The following GALNT18 variants were observed in gnomAD, a reference collection of about 807,000 sequenced individuals.
The protein encoded by GALNT18 is GalNAc-transferase 18.
GALNT18 carries 44 observed loss-of-function variants against 69.5 expected under a neutral mutation model. The ratio of observed to expected loss-of-function variants is 0.63; its 90% CI spans 0.50 to 0.81. The LOEUF is 0.81. Ranked by LOEUF, GALNT18 falls within the 40% of genes least tolerant of loss-of-function variation. GALNT18 has a pLI of 0.00. For missense variants in GALNT18, 715 were observed against 810.0 expected, an observed-to-expected ratio of 0.88 and a Z score of 1.42; for synonymous variants, 364 against 318.2, an observed-to-expected ratio of 1.14 and a Z score of -1.53.
chr11:11,374,911 T>C (rs1194033189), intron 5 of GALNT18, among the ~76,000 whole-genome samples: 1 of 152,234 alleles, frequency 6.6e-6, no homozygotes, highest in Non-Finnish European at 1.5e-5. Context: ...AAAGTGGAAA[T>C]GAACACACAT....
intron 1 of GALNT18, among the ~76,000 whole-genome samples, chr11:11,487,413 T>C (rs1856668205): frequency 6.6e-6 from 1 of 151,958 alleles, no homozygotes; most frequent in Non-Finnish European, 1.5e-5. Flanking sequence ...ACTATGGAAA[T>C]AAAAAATGTA....
chr11:11,423,111 C>A (rs1023231739), intron 3 of GALNT18, among the ~76,000 whole-genome samples: 7 of 152,198 alleles, frequency 4.6e-5, no homozygotes, highest in African/African-American at 1.7e-4. Context: ...AGCACACTCA[C>A]ACACAGACAC....
intron 9 of GALNT18, among the ~76,000 whole-genome samples, chr11:11,307,018 C>A (rs535606798): frequency 6.6e-6 from 1 of 152,310 alleles, no homozygotes; most frequent in African/African-American, 2.4e-5. Context: ...ACACATGGCC[C>A]AGAAGCCTCT....
chr11:11,384,697 T>C lies in GALNT18; in HGVS notation c.596-5433A>G, dbSNP rs117028026. Among the ~76,000 whole-genome samples, 805 of 152,296 alleles carry C rather than the reference T, an allele frequency of 5.3e-3. 5 individuals are homozygous for C. The highest frequency in any genetic ancestry group is 0.01 in the Middle Eastern group (3 of 294). On this transcript the variant is annotated intron_variant, in intron 3 of 10. Coordinates refer to ENST00000227756, the MANE Select transcript of GALNT18 (RefSeq NM_198516.3). ...GTGAGGATGAGATGTGAGCAGTCTG[T>C]GACCTGGAAGAGGGCCCTCACCAGG...
rs1859699628 is a variant in GALNT18 at position 11,604,422 on chromosome 11, G to C, written c.235+16937C>G. On this transcript the variant is annotated intron_variant, in intron 1 of 10. Transcript: ENST00000227756. This position sits in a 1 kb window ranked among gnomAD's most constrained non-coding sequence, Gnocchi z 5.6. ...GGTAGCCCATTCCTGATCCCACACT[G>C]CTGGAGAGTGGGGAAGGACAGGGTG... Among the ~76,000 whole-genome samples the C allele has an allele frequency of 6.6e-6, 1 of 152,178 alleles. No homozygotes were observed. The highest frequency in any genetic ancestry group is 1.5e-5 in the Non-Finnish European group (1 of 68,020).
chr11:11,566,735 A>C (rs1006793285), intron 1 of GALNT18, among the ~76,000 whole-genome samples: 1 of 152,210 alleles, frequency 6.6e-6, no homozygotes, highest in Non-Finnish European at 1.5e-5. Context: ...AAATCTTTTG[A>C]AATAAAAAGT....
At chr11:11,458,332 C>T (rs184361925) in intron 1 of GALNT18, among the ~76,000 whole-genome samples, 14 of 152,262 alleles carry the variant, frequency 9.2e-5, no homozygotes, top group Non-Finnish European at 1.5e-4. Context: ...ATTTTAAAAG[C>T]GGCTTTATTG....
At chr11:11,349,205 T>C (rs192783528) in intron 6 of GALNT18, among the ~76,000 whole-genome samples, 1 of 152,330 alleles carries the variant, frequency 6.6e-6, no homozygotes, top group Admixed American at 6.5e-5. Flanking sequence ...ATGCTCTCTT[T>C]AGTTGGTCGA....
chr11:11,480,702 C>T lies in GALNT18; in HGVS notation c.236-31766G>A, dbSNP rs148238165. ...GGCTGGCTTCAGCCTCCAGAGTCTT[C>T]CCTGACTCTCCAGATGAGTCCCTTC... On this transcript the variant is annotated intron_variant, in intron 1 of 10. Transcript: ENST00000227756. This position sits in a 1 kb window ranked among gnomAD's most constrained non-coding sequence, Gnocchi z 4.6. Among the ~76,000 whole-genome samples, 166 of 152,318 alleles carry T rather than the reference C, an allele frequency of 1.1e-3. 4 individuals are homozygous for T. Among genetic ancestry groups the T allele is most frequent in the African/African-American group, 3.8e-3 (160 of 41,568 alleles).
intron 3 of GALNT18, among the ~76,000 whole-genome samples, chr11:11,399,789 C>A (rs1158963290): frequency 6.6e-6 from 1 of 152,184 alleles, no homozygotes; most frequent in Non-Finnish European, 1.5e-5. Flanking sequence ...GCAGGTAAAG[C>A]TTTTAGAAGA....
chr11:11,353,217 T>C, intron 6 of GALNT18: 1 of 1,459,652 alleles, frequency 6.9e-7, no homozygotes, highest in South Asian at 1.2e-5. Context: ...GTTTCAGACC[T>C]GTTTTCTTCA....
chr11:11,453,626 G>A (rs553979692), intron 1 of GALNT18, among the ~76,000 whole-genome samples: 2 of 152,170 alleles, frequency 1.3e-5, no homozygotes, highest in Non-Finnish European at 2.9e-5. Flanking sequence ...GAGGGACCCG[G>A]TGGAGGTAAC....
chr11:11,323,587 G>A (rs1186919533), intron 9 of GALNT18, among the ~76,000 whole-genome samples: 4 of 152,346 alleles, frequency 2.6e-5, no homozygotes, highest in African/African-American at 9.6e-5. Context: ...CCTTCTCCTG[G>A]TCTTGTGGTG....
intron 1 of GALNT18, among the ~76,000 whole-genome samples, chr11:11,482,055 T>C (rs1856542571): frequency 6.6e-6 from 1 of 152,220 alleles, no homozygotes; most frequent in Non-Finnish European, 1.5e-5. Context: ...TCTGTTTCCC[T>C]ACTGGGCTAC....
Position 11,523,780 on chromosome 11 carries a change from G to A in GALNT18, c.236-74844C>T, listed in dbSNP as rs1014132512. ...GGGAAAGGAGGTAGGACACACGGCTGCAAGCAACAGCAACAGCACTGGCTA... is the reference window on the plus strand; with the variant it reads ...GGGAAAGGAGGTAGGACACACGGCTACAAGCAACAGCAACAGCACTGGCTA... On this transcript the variant is annotated intron_variant, in intron 1 of 10. Coordinates refer to ENST00000227756, the MANE Select transcript of GALNT18 (RefSeq NM_198516.3). This position sits in a 1 kb window ranked among gnomAD's most constrained non-coding sequence, Gnocchi z 4.3. Among the ~76,000 whole-genome samples, 1 of 152,012 alleles carries A rather than the reference G, an allele frequency of 6.6e-6. No individual in the cohort carries two copies. Among genetic ancestry groups the A allele is most frequent in the Admixed American group, 6.6e-5 (1 of 15,264 alleles).
rs960578462 is a variant in GALNT18, at chr11:11,338,030, C to G, written c.1278+2789G>C. Reference sequence around the variant, plus strand: ...CCAGGCTGGAGTGAGTGCAGTGGCACGATCTCAGCTCACTGGGACCTCCGC... The same window carrying G: ...CCAGGCTGGAGTGAGTGCAGTGGCAGGATCTCAGCTCACTGGGACCTCCGC... On this transcript the variant is annotated intron_variant, in intron 7 of 10. Transcript: ENST00000227756. This position sits in a 1 kb window ranked among gnomAD's most constrained non-coding sequence, Gnocchi z 5.3. Among the ~76,000 whole-genome samples, 2 of 148,656 alleles carry G rather than the reference C, an allele frequency of 1.3e-5. No individual in the cohort carries two copies. Among genetic ancestry groups the G allele is most frequent in the Non-Finnish European group, 3.0e-5 (2 of 67,674 alleles).
intron 3 of GALNT18, among the ~76,000 whole-genome samples, chr11:11,381,076 T>A (rs1853904836): frequency 6.6e-6 from 1 of 152,210 alleles, no homozygotes; most frequent in Non-Finnish European, 1.5e-5. Context: ...CTCCAATTGC[T>A]GCAGCTGCCT....
In GALNT18 at chr11:11,461,706, A is replaced by G. The variant is rs1036395106; in HGVS notation, c.236-12770T>C. 1.3e-5 allele frequency among the ~76,000 whole-genome samples: 2 copies of G among 152,196 alleles called. No homozygotes were observed. The highest frequency in any genetic ancestry group is 4.8e-5 in the African/African-American group (2 of 41,454). On this transcript the variant is annotated intron_variant, in intron 1 of 10. Coordinates refer to ENST00000227756, the MANE Select transcript of GALNT18 (RefSeq NM_198516.3). The surrounding 1 kb of genome is among the most constrained non-coding windows in gnomAD (Gnocchi z 4.1). ...ATGAACAAGCCGGACCAACCCTGCT[A>G]ATGTTAAAGAGGCATGCTTCCCTGA... is the stretch of plus-strand genomic sequence containing the variant.
At chr11:11,527,042 T>C (rs1211337856) in intron 1 of GALNT18, among the ~76,000 whole-genome samples, 1 of 152,078 alleles carries the variant, frequency 6.6e-6, no homozygotes, top group African/African-American at 2.4e-5. Context: ...TATAAATGCA[T>C]TTCTCCAGGC....
Sources: allele counts gnomAD v4.1 joint callset (sites outside exome capture counted in the v4.1 genomes callset), GRCh38; gene constraint gnomAD v4.1.1; non-coding constraint Gnocchi (gnomAD v3.1); transcripts MANE v1.5; gene names NCBI Gene and HGNC (gene_info 2026-07-23, HGNC 2026-07-21).